The following SMYD3 variants were observed in gnomAD, a reference collection of about 807,000 sequenced individuals.
SMYD3 encodes the protein SET and MYND domain containing 3.
Under a neutral mutation model 57.7 loss-of-function variants are expected in SMYD3, and 36 were observed. The observed-to-expected ratio is 0.62, with a 90% CI of 0.48 to 0.82. The LOEUF (loss-of-function observed/expected upper bound fraction) is 0.82. Among genes scored for constraint, SMYD3 ranks in the 40% least tolerant of loss-of-function variants. The pLI, the probability that SMYD3 is intolerant of heterozygous loss-of-function variation, is 0.00. For synonymous variants in SMYD3, 211 were observed against 195.0 expected (o/e 1.08, Z -0.68); for missense variants, 515 against 538.8 (o/e 0.96, Z 0.44).
chr1:245,783,814 G>C (rs903657137), intron 10 of SMYD3, among the ~76,000 whole-genome samples: 3 of 152,118 alleles, frequency 2.0e-5, no homozygotes, highest in African/African-American at 7.2e-5. Context: ...ATGTAAAATT[G>C]AATACTTAGA....
intron 5 of SMYD3, among the ~76,000 whole-genome samples, chr1:246,245,985 G>A (rs757915239): frequency 6.6e-6 from 1 of 152,092 alleles, no homozygotes; most frequent in Non-Finnish European, 1.5e-5. Context: ...TTTGTTTTTG[G>A]TGACAGTGGT....
intron 10 of SMYD3, among the ~76,000 whole-genome samples, chr1:245,839,971 A>G (rs1044007384): frequency 6.6e-6 from 1 of 152,202 alleles, no homozygotes; most frequent in Non-Finnish European, 1.5e-5. Context: ...TATTAAAACA[A>G]TAAGTTTCCT....
intron 8 of SMYD3, among the ~76,000 whole-genome samples, chr1:245,903,291 G>A (rs2054316185): frequency 1.3e-5 from 2 of 152,112 alleles, no homozygotes. Context: ...TCCAAAAAAG[G>A]TGAAAATCTA....
chr1:245,787,372 C>A (rs2047088821), intron 10 of SMYD3, among the ~76,000 whole-genome samples: 1 of 152,176 alleles, frequency 6.6e-6, no homozygotes, highest in South Asian at 2.1e-4. Context: ...TCTTCCATAA[C>A]CAATCATCAG....
rs1156393004 is a variant in SMYD3, at chr1:246,481,607, T to TATATATATATATATATATATATACACAC, written c.164+25446_164+25447insGTGTGTATATATATATATATATATATAT. Among the ~76,000 whole-genome samples the TATATATATATATATATATATATACACAC allele has an allele frequency of 8.2e-4, 51 of 61,966 alleles. 2 individuals are homozygous for TATATATATATATATATATATATACACAC. Among genetic ancestry groups the TATATATATATATATATATATATACACAC allele is most frequent in the African/African-American group, 2.4e-3 (48 of 20,372 alleles). 40.7% of individuals were successfully genotyped at this position (61,966 alleles called of 152,430 possible). On this transcript the variant is annotated intron_variant, in intron 1 of 11. Coordinates refer to ENST00000490107, the MANE Select transcript of SMYD3 (RefSeq NM_001167740.2). ...TTCTCAGGCTCCATATATATATATA[T>TATATATATATATATATATATATACACAC]ACACATACATATATACATACATACA... is the stretch of plus-strand genomic sequence containing the variant.
chr1:246,413,451 T>A (rs2067008646), intron 1 of SMYD3, among the ~76,000 whole-genome samples: 1 of 152,154 alleles, frequency 6.6e-6, no homozygotes, highest in African/African-American at 2.4e-5. Flanking sequence ...CCCAACAGAA[T>A]GATTTAACAA....
chr1:246,107,074 C>T (rs536264237), intron 5 of SMYD3, among the ~76,000 whole-genome samples: 14 of 149,862 alleles, frequency 9.3e-5, no homozygotes, highest in Middle Eastern at 3.4e-3. Flanking sequence ...CTGAGGCGGG[C>T]GGATCACAAG....
intron 5 of SMYD3, among the ~76,000 whole-genome samples, chr1:246,234,215 C>T (rs1280873189): frequency 4.0e-5 from 6 of 150,692 alleles, no homozygotes; most frequent in Non-Finnish European, 7.4e-5. Context: ...AGAGGAGAAG[C>T]GCTCCTTCAA....
intron 10 of SMYD3, among the ~76,000 whole-genome samples, chr1:245,812,354 T>A (rs1239638168): frequency 6.6e-6 from 1 of 152,214 alleles, no homozygotes; most frequent in Non-Finnish European, 1.5e-5. Context: ...GCCCTCCTCA[T>A]GCAGGAGCTG....
chr1:245,784,843 A>T (rs1282231447), intron 10 of SMYD3, among the ~76,000 whole-genome samples: 24 of 115,706 alleles, frequency 2.1e-4, no homozygotes, highest in African/African-American at 5.8e-4. Flanking sequence ...TTTAGACTGA[A>T]TTTTTTTTTT....
intron 5 of SMYD3, among the ~76,000 whole-genome samples, chr1:246,158,858 G>A (rs1019697766): frequency 6.6e-6 from 1 of 152,144 alleles, no homozygotes; most frequent in African/African-American, 2.4e-5. Flanking sequence ...CTTTACATCA[G>A]CATAGTTCTC....
In SMYD3 at chr1:246,148,398, G is replaced by A. The variant is rs1049386638; in HGVS notation, c.531+178803C>T. Reference sequence around the variant, plus strand: ...CTGAGAGCTCAACACTCCACTAGATGACCTGCCTACAGAGAGGAACTACCC... The same window carrying A: ...CTGAGAGCTCAACACTCCACTAGATAACCTGCCTACAGAGAGGAACTACCC... On this transcript the variant is annotated intron_variant, in intron 5 of 11. Coordinates refer to ENST00000490107, the MANE Select transcript of SMYD3 (RefSeq NM_001167740.2). Among the ~76,000 whole-genome samples the A allele has an allele frequency of 2.0e-5, 3 of 152,090 alleles. No homozygotes were observed. In the East Asian group the frequency reaches 5.8e-4, roughly 29 times the overall value.
At chr1:245,978,216 C>T (rs2058499267) in intron 5 of SMYD3, among the ~76,000 whole-genome samples, 2 of 152,182 alleles carry the variant, frequency 1.3e-5, no homozygotes, top group Admixed American at 6.5e-5. Context: ...ACTATTTATG[C>T]TGGGAGGCAT....
At chr1:245,791,257 G>A (rs1198575118) in intron 10 of SMYD3, among the ~76,000 whole-genome samples, 3 of 152,152 alleles carry the variant, frequency 2.0e-5, no homozygotes, top group Non-Finnish European at 2.9e-5. Context: ...ATCAGTTGGG[G>A]GAAAGAGAGC....
intron 5 of SMYD3, among the ~76,000 whole-genome samples, chr1:246,185,052 C>G (rs2062610478): frequency 6.6e-6 from 1 of 152,152 alleles, no homozygotes; most frequent in African/African-American, 2.4e-5. Flanking sequence ...GCTTTTTGAA[C>G]TTAATAATGG....
chr1:246,476,541 T>G (rs114178186), intron 1 of SMYD3, among the ~76,000 whole-genome samples: 1 of 152,208 alleles, frequency 6.6e-6, no homozygotes, highest in Non-Finnish European at 1.5e-5. Flanking sequence ...CACTTTGCCC[T>G]GCTACCCAAC....
At chr1:246,154,624 C>G (rs1228372524) in intron 5 of SMYD3, among the ~76,000 whole-genome samples, 9 of 152,118 alleles carry the variant, frequency 5.9e-5, no homozygotes, top group Non-Finnish European at 1.5e-5. Context: ...ACTATGAAAG[C>G]CCACAAATTT....
chr1:245,828,327 T>C (rs997153945), intron 10 of SMYD3, among the ~76,000 whole-genome samples: 7 of 152,208 alleles, frequency 4.6e-5, no homozygotes, highest in Admixed American at 1.3e-4. Context: ...CTTCAGTACC[T>C]TGAAAATGAA....
At chr1:246,136,481 A>C (rs2061667205) in intron 5 of SMYD3, among the ~76,000 whole-genome samples, 1 of 152,182 alleles carries the variant, frequency 6.6e-6, no homozygotes, top group South Asian at 2.1e-4. Context: ...AAAAAAGTAC[A>C]ACTCTGTAAT....
Sources: gnomAD v4.1 joint callset for allele counts (sites outside exome capture counted in the v4.1 genomes callset) on GRCh38, gnomAD v4.1.1 for gene constraint, MANE v1.5 for transcripts, NCBI Gene and HGNC (gene_info 2026-07-23, HGNC 2026-07-21) for gene names.